CDH23: variants seen among roughly 807,000 people sequenced by gnomAD.
The protein encoded by CDH23 is cadherin related 23, also known as cadherin-23.
A neutral mutation model predicts 317.1 loss-of-function variants in CDH23; 189 were observed. That is an observed-to-expected ratio of 0.60 (90% CI 0.53 to 0.67). The LOEUF is 0.67. Ranked by LOEUF, CDH23 falls within the 30% of genes least tolerant of loss-of-function variation. CDH23 has a pLI of 0.00. For missense variants in CDH23, 4,401 were observed against 4,592.4 expected (o/e 0.96, Z 1.20); for synonymous variants, 1,839 against 1,876.8 (o/e 0.98, Z 0.52).
chr10:71,743,424 T>C (rs1839784959), intron 38 of CDH23, among the ~76,000 whole-genome samples: 1 of 152,118 alleles, frequency 6.6e-6, no homozygotes, highest in Admixed American at 6.6e-5. Flanking sequence ...GTTGGTCCAA[T>C]AACTCCAGGA....
intron 3 of CDH23, among the ~76,000 whole-genome samples, chr10:71,484,505 G>A (rs1852237921): frequency 6.6e-6 from 1 of 152,134 alleles, no homozygotes; most frequent in Non-Finnish European, 1.5e-5. Context: ...GCACTCCCTG[G>A]GCCCCGGCGT....
At position 71,773,341 on chromosome 10, in the gene CDH23, G is replaced by C. The variant is rs201293554; in HGVS notation, c.4846-4339G>C. On this transcript the variant is annotated intron_variant, in intron 38 of 69. Coordinates refer to ENST00000224721, the MANE Select transcript of CDH23 (RefSeq NM_022124.6). ...TCTCCCAGCTTTTTCCCAGCGCCCC[G>C]CCTCCCCCGACCTTACCTAGGGACG... is the stretch of plus-strand genomic sequence containing the variant. The C allele has an allele frequency of 4.9e-4, 788 of 1,596,800 alleles. 2 individuals carry two copies. The highest frequency in any genetic ancestry group is 4.6e-3 in the Middle Eastern group (28 of 6,028).
At chr10:71,590,176 G>A (rs1859370146) in intron 9 of CDH23, among the ~76,000 whole-genome samples, 2 of 152,222 alleles carry the variant, frequency 1.3e-5, no homozygotes, top group Admixed American at 6.5e-5. Flanking sequence ...CAAATGCTCT[G>A]AGTCAATTAA....
At chr10:71,417,410 T>C (rs1848583461) in intron 1 of CDH23, among the ~76,000 whole-genome samples, 1 of 152,234 alleles carries the variant, frequency 6.6e-6, no homozygotes, top group Non-Finnish European at 1.5e-5. Context: ...TACTTTTATT[T>C]ATCCTACTTT....
chr10:71,793,308 T>C lies in CDH23; in HGVS notation c.6380T>C (p.Val2127Ala). The change falls in exon 48 of 70, where the codon GTT becomes GCT. Residue 2127 changes from valine (V) to alanine (A), a missense_variant. Val to Ala is a moderately conservative substitution (Grantham distance 64). Transcript: ENST00000224721. ...CATCTGGTCACCGGGGTCATCCGTG[T>C]TGGTAATGCCACCATCGACAGAGAG... is the stretch of plus-strand genomic sequence containing the variant. ...LIHLVTGVIR[V>A]GNATIDREEQ... The C allele has an allele frequency of 6.2e-7, 1 of 1,613,984 alleles. No individual in the cohort carries two copies.
At chr10:71,445,847 CA>C (rs34460284) in intron 2 of CDH23, among the ~76,000 whole-genome samples, 2,814 of 91,942 alleles carry the variant, frequency 0.031, 24 homozygotes, top group African/African-American at 0.069. Flanking sequence ...GACTCTGTCT[CA>C]AAAAAAAAAA....
intron 41 of CDH23, among the ~76,000 whole-genome samples, chr10:71,781,788 T>G (rs1331808060): frequency 6.6e-6 from 1 of 152,060 alleles, no homozygotes; most frequent in Non-Finnish European, 1.5e-5. Context: ...AGAGTAGACA[T>G]TTAGAGCCCA....
chr10:71,759,507 A>C (rs1840239835), intron 38 of CDH23, among the ~76,000 whole-genome samples: 1 of 143,844 alleles, frequency 7.0e-6, no homozygotes. Context: ...AGTCTTTCTC[A>C]AAAAAAAAAA....
chr10:71,812,446 C>G (rs1841968749), intron 66 of CDH23, 34 bp from the exon 67 acceptor site: 2 of 1,548,612 alleles, frequency 1.3e-6, no homozygotes, highest in East Asian at 2.3e-5. Context: ...CGAGCCTTCC[C>G]TCCCTCCCCA....
At chr10:71,796,966 C>A (rs1368286518) in intron 48 of CDH23, 138 bp from the exon 49 acceptor site, 2 of 624,580 alleles carry the variant, frequency 3.2e-6, no homozygotes, top group Non-Finnish European at 5.9e-6. Context: ...GTGGGCCCAC[C>A]CCAGCCACAA....
intron 3 of CDH23, among the ~76,000 whole-genome samples, chr10:71,468,513 A>C (rs887776912): frequency 6.6e-6 from 1 of 152,138 alleles, no homozygotes; most frequent in Non-Finnish European, 1.5e-5. Flanking sequence ...GATTGCTATC[A>C]TCTCCCACAC....
At chr10:71,543,340 T>C (rs1373681678) in intron 6 of CDH23, among the ~76,000 whole-genome samples, 1 of 152,220 alleles carries the variant, frequency 6.6e-6, no homozygotes, top group Non-Finnish European at 1.5e-5. Flanking sequence ...GAAACCTTGC[T>C]GTAGTAGACC....
At chr10:71,606,759 TG>T (rs1259149849) in intron 9 of CDH23, among the ~76,000 whole-genome samples, 1 of 151,362 alleles carries the variant, frequency 6.6e-6, no homozygotes, top group African/African-American at 2.4e-5. Flanking sequence ...GGTGGGAAGG[TG>T]GGGGTAACTG....
Position 71,812,479 on chromosome 10 carries a change from G to A in CDH23, c.9381-1G>A. ...CCACCCTTTTCCCTCCCCAACTGCA[G>A]AGCCAACCCTGTGTGGCTGGATCCC... On this transcript the variant is annotated splice_acceptor_variant, in intron 66 of 69. Coordinates refer to ENST00000224721, the MANE Select transcript of CDH23 (RefSeq NM_022124.6). LOFTEE classifies it high-confidence loss of function. 7.4e-7 allele frequency: 1 copy of A among 1,351,398 alleles called. No individual in the cohort carries two copies. The highest frequency in any genetic ancestry group is 1.1e-5 in the South Asian group (1 of 87,422). The allele number at this position is 1,351,398 out of a possible 1,614,324, so 83.7% of individuals were successfully genotyped here. A position where few individuals can be genotyped will look rare whatever the true frequency, so the allele number is the denominator to read the frequency against.
chr10:71,525,574 G>A (rs1394856551), intron 6 of CDH23, among the ~76,000 whole-genome samples: 2 of 152,160 alleles, frequency 1.3e-5, no homozygotes, highest in Non-Finnish European at 2.9e-5. Flanking sequence ...ATGGAAGCCA[G>A]TAGGGGTGGA....
chr10:71,473,188 T>C (rs893930144), intron 3 of CDH23, among the ~76,000 whole-genome samples: 9 of 152,220 alleles, frequency 5.9e-5, no homozygotes, highest in Non-Finnish European at 1.0e-4. Flanking sequence ...GAAGGCAGGA[T>C]GCTCCCGGAG....
At chr10:71,632,561 G>A (rs755563386) in intron 11 of CDH23, among the ~76,000 whole-genome samples, 2 of 152,182 alleles carry the variant, frequency 1.3e-5, no homozygotes, top group Non-Finnish European at 2.9e-5. Context: ...CAGAGGTTGA[G>A]ATGAGGCTGC....
chr10:71,689,067 G>T (rs1358179606), intron 19 of CDH23, among the ~76,000 whole-genome samples: 25 of 128,200 alleles, frequency 2.0e-4, no homozygotes, highest in Middle Eastern at 4.4e-3. Flanking sequence ...TGGAGCCAGG[G>T]GTGGTGGAGC....
intron 14 of CDH23, among the ~76,000 whole-genome samples, chr10:71,673,109 A>ATT (rs936012563): frequency 6.6e-6 from 1 of 150,630 alleles, no homozygotes; most frequent in Non-Finnish European, 1.5e-5. Context: ...CCCCTTCCCT[A>ATT]TTTTCTCTGC....
Sources: gnomAD v4.1 joint callset for allele counts (sites outside exome capture counted in the v4.1 genomes callset) on GRCh38, gnomAD v4.1.1 for gene constraint, MANE v1.5 for transcripts, NCBI Gene and HGNC (gene_info 2026-07-23, HGNC 2026-07-21) for gene names.